Variants in KCNK2 observed in about 807,000 individuals in gnomAD.
KCNK2 encodes potassium channel subfamily K member 2.
Under a neutral mutation model 40.5 loss-of-function variants are expected in KCNK2, and 21 were observed. The ratio of observed to expected loss-of-function variants is 0.52; its 90% CI spans 0.37 to 0.75. The LOEUF (loss-of-function observed/expected upper bound fraction) is 0.75, where lower values mean the gene tolerates loss of function less well. Ranked by LOEUF, KCNK2 falls within the 30% of genes least tolerant of loss-of-function variation. The pLI is 0.00. For synonymous variants in KCNK2, 191 were observed against 202.2 expected, an observed-to-expected ratio of 0.94 and a Z score of 0.47; for missense variants, 399 against 531.6, an observed-to-expected ratio of 0.75 and a Z score of 2.45.
rs149941939 is a variant in KCNK2, at chr1:215,194,960, C to T, written c.831C>T (p.Ser277=). 1.1e-4 allele frequency: 174 copies of T among 1,612,846 alleles called. No individual in the cohort carries two copies. The African/African-American group carries it at 1.7e-3, about 16-fold the overall frequency. ...IGFGDYVAGG[S]DIEYLDFYKP... is the part of the protein sequence containing the mutation. Reference sequence around the variant, plus strand: ...ACTTTGTTTTGTCTCCAGGTGGATCCGATATTGAATATCTGGACTTCTATA... The same window carrying T: ...ACTTTGTTTTGTCTCCAGGTGGATCTGATATTGAATATCTGGACTTCTATA... The change falls in exon 6 of 7, where the codon TCC becomes TCT. Residue 277 remains serine, a synonymous_variant. Coordinates refer to ENST00000444842, the MANE Select transcript of KCNK2 (RefSeq NM_001017425.3).
chr1:215,205,158 C>T (rs1665258758), intron 6 of KCNK2, among the ~76,000 whole-genome samples: 1 of 152,162 alleles, frequency 6.6e-6, no homozygotes, highest in Admixed American at 6.5e-5. Context: ...AGGATTGTTA[C>T]TTCCTCTTCT....
At chr1:215,042,277 G>T (rs892384755) in intron 1 of KCNK2, among the ~76,000 whole-genome samples, 2 of 152,298 alleles carry the variant, frequency 1.3e-5, no homozygotes, top group South Asian at 4.1e-4. Context: ...GACACAGATA[G>T]GACATAAGAT....
At chr1:215,071,030 A>T (rs1658739838) in intron 1 of KCNK2, among the ~76,000 whole-genome samples, 1 of 152,232 alleles carries the variant, frequency 6.6e-6, no homozygotes, top group Non-Finnish European at 1.5e-5. Context: ...ATGAAGAAAC[A>T]GATTCCATGG....
At chr1:215,013,743 T>A (rs1039119347) in intron 1 of KCNK2, among the ~76,000 whole-genome samples, 7 of 152,304 alleles carry the variant, frequency 4.6e-5, no homozygotes, top group Non-Finnish European at 7.4e-5. Flanking sequence ...TATAAATATA[T>A]GTTGGATTGA....
At chr1:215,005,912 A>G in exon 1 of KCNK2, 1 of 1,612,830 alleles carries the variant, frequency 6.2e-7, no homozygotes, top group Non-Finnish European at 8.5e-7. Flanking sequence ...CCTGATGAAA[A>G]CATCACCAAA....
chr1:215,143,782 C>A (rs544199094), intron 3 of KCNK2, among the ~76,000 whole-genome samples: 1 of 152,240 alleles, frequency 6.6e-6, no homozygotes, highest in South Asian at 2.1e-4. Flanking sequence ...TGTTGTACCA[C>A]AAATTTTAAG....
Position 215,162,062 on chromosome 1 carries a change from A to G in KCNK2, c.476-7137A>G, listed in dbSNP as rs374498643. On this transcript the variant is annotated intron_variant, in intron 3 of 6. Coordinates refer to ENST00000444842, the MANE Select transcript of KCNK2 (RefSeq NM_001017425.3). ...CCAACAAGAGTGTAACAGCATTCCT[A>G]TTTCTCCACAGCCTCTCCAGCATCT... Among the ~76,000 whole-genome samples, 86 of 152,258 alleles carry G rather than the reference A, an allele frequency of 5.6e-4. No homozygotes were observed. In the South Asian group the frequency reaches 0.017, roughly 31 times the overall value.
At chr1:215,220,090 G>A (rs931348552) in intron 6 of KCNK2, among the ~76,000 whole-genome samples, 1 of 152,160 alleles carries the variant, frequency 6.6e-6, no homozygotes, top group Admixed American at 6.5e-5. Context: ...CACACTCTTA[G>A]TTGACAGAGC....
At chr1:215,082,001 G>C (rs531807411), upstream of KCNK2, 2 of 152,380 alleles carry the variant, frequency 1.3e-5, no homozygotes, top group African/African-American at 4.8e-5. Context: ...TCAGGCTGGA[G>C]TCTGAGTTCT....
chr1:215,213,271 A>G (rs574475744), intron 6 of KCNK2, among the ~76,000 whole-genome samples: 3 of 152,182 alleles, frequency 2.0e-5, no homozygotes, highest in Non-Finnish European at 4.4e-5. Context: ...TTGCCAACTA[A>G]AAGCACTCTT....
At chr1:215,041,588 T>C (rs776482186) in intron 1 of KCNK2, among the ~76,000 whole-genome samples, 28 of 152,230 alleles carry the variant, frequency 1.8e-4, no homozygotes, top group Non-Finnish European at 4.0e-4. Flanking sequence ...AGTCAGATCT[T>C]GATATTAGCT....
intron 3 of KCNK2, among the ~76,000 whole-genome samples, chr1:215,163,624 A>G (rs1663308380): frequency 6.6e-6 from 1 of 152,120 alleles, no homozygotes; most frequent in Non-Finnish European, 1.5e-5. Flanking sequence ...AGTTTTTAGC[A>G]TGAAGGGGAG....
chr1:215,121,097 A>C (rs2102576191), intron 2 of KCNK2, among the ~76,000 whole-genome samples: 1 of 152,310 alleles, frequency 6.6e-6, no homozygotes, highest in South Asian at 2.1e-4. Context: ...AAGAGTTGAA[A>C]ATCAATAATA....
intron 2 of KCNK2, among the ~76,000 whole-genome samples, chr1:215,092,860 A>G (rs954418877): frequency 6.6e-6 from 1 of 152,130 alleles, no homozygotes; most frequent in African/African-American, 2.4e-5. Context: ...ATGGCTATAA[A>G]GTGATACTCT....
At chr1:215,109,866 T>C (rs1346612787) in intron 2 of KCNK2, among the ~76,000 whole-genome samples, 3 of 152,092 alleles carry the variant, frequency 2.0e-5, no homozygotes, top group African/African-American at 7.2e-5. Flanking sequence ...CTTTTTGCTA[T>C]ATTCTTGCCA....
At chr1:215,080,922 A>G (rs954270002), upstream of KCNK2, among the ~76,000 whole-genome samples, 3 of 152,252 alleles carry the variant, frequency 2.0e-5, no homozygotes, top group African/African-American at 7.2e-5. Flanking sequence ...CAGCATCTAC[A>G]GTAAGACTTC....
Position 215,036,714 on chromosome 1 carries a change from A to G in KCNK2, c.34+30759A>G, listed in dbSNP as rs1038876700. Among the ~76,000 whole-genome samples the G allele has an allele frequency of 3.3e-5, 5 of 151,876 alleles. No individual in the cohort carries two copies. In the East Asian group the frequency reaches 9.6e-4, roughly 29 times the overall value. ...TTGCTGCTTATGAACAATGTTTTGT[A>G]GTATTCAATGTACAGATTTTACAAA... On this transcript the variant is annotated intron_variant, in intron 1 of 6. Coordinates refer to the KCNK2 transcript ENST00000391895.
At chr1:215,232,600 G>A (rs1666714662) in intron 6 of KCNK2, among the ~76,000 whole-genome samples, 1 of 152,194 alleles carries the variant, frequency 6.6e-6, no homozygotes, top group South Asian at 2.1e-4. Flanking sequence ...TGTATATGGA[G>A]CTTACATTCT....
intron 3 of KCNK2, among the ~76,000 whole-genome samples, chr1:215,138,860 G>C (rs1488139591): frequency 1.3e-5 from 2 of 152,126 alleles, no homozygotes; most frequent in Non-Finnish European, 2.9e-5. Context: ...AATGTTTGCT[G>C]AAAGTCCAAA....
Sources: gnomAD v4.1 joint callset for allele counts (sites outside exome capture counted in the v4.1 genomes callset) on GRCh38, gnomAD v4.1.1 for gene constraint, MANE v1.5 for transcripts, NCBI Gene and HGNC (gene_info 2026-07-23, HGNC 2026-07-21) for gene names.